CD200R1L: variants seen among roughly 807,000 people sequenced by gnomAD.
CD200R1L encodes CD200 receptor 1 like, also known as cell surface glycoprotein CD200 receptor 2.
Under a neutral mutation model 24.8 loss-of-function variants are expected in CD200R1L, and 14 were observed. That is an observed-to-expected ratio of 0.56 (90% confidence interval 0.37 to 0.88). The LOEUF (loss-of-function observed/expected upper bound fraction) is 0.88, where lower values mean the gene tolerates loss of function less well. Ranked by LOEUF, CD200R1L falls within the 40% of genes least tolerant of loss-of-function variation. The pLI is 0.00. For missense variants in CD200R1L, 299 were observed against 297.8 expected (o/e 1.00, Z -0.03); for synonymous variants, 111 against 109.2 (o/e 1.02, Z -0.11).
intron 4 of CD200R1L, among the ~76,000 whole-genome samples, chr3:112,828,540 A>G (rs1045771348): frequency 2.0e-5 from 3 of 152,236 alleles, no homozygotes; most frequent in Admixed American, 2.0e-4. Context: ...ATTGTCAAAT[A>G]TAGCCTTTGG....
At chr3:112,822,091 T>C (rs1392131736) in intron 6 of CD200R1L, among the ~76,000 whole-genome samples, 1 of 152,186 alleles carries the variant, frequency 6.6e-6, no homozygotes, top group East Asian at 1.9e-4. Context: ...AATACAAAAA[T>C]AAAAGTAGTG....
chr3:112,828,530 A>G (rs1355016697), intron 4 of CD200R1L, among the ~76,000 whole-genome samples: 1 of 152,214 alleles, frequency 6.6e-6, no homozygotes, highest in Non-Finnish European at 1.5e-5. Context: ...AATTGGTGAC[A>G]TTGTCAAATA....
chr3:112,843,889 G>A (rs1173855057), intron 2 of CD200R1L, among the ~76,000 whole-genome samples: 1 of 152,116 alleles, frequency 6.6e-6, no homozygotes, highest in African/African-American at 2.4e-5. Flanking sequence ...ACAAAAAAGA[G>A]CAGGGGTCAC....
chr3:112,819,659 A>G (rs1938483432), intron 7 of CD200R1L, 113 bp downstream of exon 7: 1 of 1,166,672 alleles, frequency 8.6e-7, no homozygotes, highest in South Asian at 1.9e-5. Flanking sequence ...GAGGGAGAAT[A>G]CAACATACCA....
intron 2 of CD200R1L, among the ~76,000 whole-genome samples, chr3:112,839,693 T>C (rs73225772): frequency 0.059 from 9,014 of 152,036 alleles, 282 homozygotes; most frequent in African/African-American, 0.075. Flanking sequence ...AGGAAAGGGG[T>C]CCTGAAAATT....
intron 2 of CD200R1L, among the ~76,000 whole-genome samples, chr3:112,838,644 A>G (rs921371602): frequency 2.6e-5 from 4 of 152,202 alleles, no homozygotes; most frequent in African/African-American, 9.6e-5. Flanking sequence ...GGCTCATTTA[A>G]TGGTCTACCT....
chr3:112,842,553 G>T (rs1182426267), intron 2 of CD200R1L, among the ~76,000 whole-genome samples: 1 of 152,154 alleles, frequency 6.6e-6, no homozygotes, highest in African/African-American at 2.4e-5. Flanking sequence ...CGTAAGTAAA[G>T]TCTGACTGCC....
At chr3:112,824,669 C>T (rs1426840000) in intron 6 of CD200R1L, among the ~76,000 whole-genome samples, 5 of 152,040 alleles carry the variant, frequency 3.3e-5, no homozygotes, top group Non-Finnish European at 7.4e-5. Context: ...AGTGAGAATA[C>T]GAGGAAAACG....
intron 3 of CD200R1L, among the ~76,000 whole-genome samples, chr3:112,831,013 G>T (rs144688748): frequency 1.3e-5 from 2 of 152,164 alleles, no homozygotes; most frequent in Non-Finnish European, 2.9e-5. Flanking sequence ...GGAGGAATAG[G>T]GGGGAGGCAT....
intron 3 of CD200R1L, among the ~76,000 whole-genome samples, chr3:112,831,503 C>T (rs1441427139): frequency 1.3e-5 from 2 of 152,110 alleles, no homozygotes; most frequent in African/African-American, 4.8e-5. Context: ...TGTTGAAGTC[C>T]TAACCCTCAG....
intron 3 of CD200R1L, 37 bp downstream of exon 3, chr3:112,837,905 C>G: frequency 2.3e-6 from 2 of 852,796 alleles, no homozygotes; most frequent in Non-Finnish European, 3.1e-6. Context: ...ATCCAACCCT[C>G]CCATCAAACT....
At position 112,827,567 on chromosome 3, in the gene CD200R1L, C is replaced by G; in HGVS notation, c.167G>C (p.Cys56Ser). ...WEIILRGQPSCTKAYKKETNE... is the reference protein window; with the variant it reads ...WEIILRGQPSSTKAYKKETNE... Reference sequence around the variant, plus strand: ...TGTTTCTTTCTTGTAGGCTTTTGTGCAGGAAGGCTGGCCTCTCAGGATTAT... The same window carrying G: ...TGTTTCTTTCTTGTAGGCTTTTGTGGAGGAAGGCTGGCCTCTCAGGATTAT... Residue 56 changes from cysteine to serine, a missense_variant, in exon 5 of 8, where the codon TGC becomes TCC. Physicochemically the swap from Cys to Ser is moderately radical, Grantham distance 112. Coordinates refer to ENST00000488794, the MANE Select transcript of CD200R1L (RefSeq NM_001199215.3). 6.2e-7 allele frequency: 1 copy of G among 1,614,074 alleles called. No homozygotes were observed. The highest frequency in any genetic ancestry group is 8.5e-7 in the Non-Finnish European group (1 of 1,179,964).
rs1438998300 is a variant in CD200R1L, at chr3:112,827,406, C to A, written c.328G>T (p.Asp110Tyr). The change falls in exon 5 of 8, where the codon GAT (aspartate) becomes TAT (tyrosine). Residue 110 changes from aspartate to tyrosine, a missense_variant. Asp to Tyr is a radical substitution (Grantham distance 160). Transcript: ENST00000488794. Reference sequence around the variant, plus strand: ...TGATATCCACGATGGAAATTCCCATCAGGTGTTACCACTATGCCTCTGTAA... The same window carrying A: ...TGATATCCACGATGGAAATTCCCATAAGGTGTTACCACTATGCCTCTGTAA... ...GYYRGIVVTP[D>Y]GNFHRGYHLQ... 6.2e-7 allele frequency: 1 copy of A among 1,614,126 alleles called. No individual in the cohort carries two copies. The highest frequency in any genetic ancestry group is 1.7e-5 in the Admixed American group (1 of 60,018).
intron 2 of CD200R1L, among the ~76,000 whole-genome samples, chr3:112,838,982 A>T (rs1271229233): frequency 2.6e-5 from 4 of 152,192 alleles, no homozygotes; most frequent in Non-Finnish European, 5.9e-5. Context: ...TGCAGACTAC[A>T]AGTCCACCCT....
In CD200R1L at chr3:112,827,548, T is replaced by C. The variant is rs1938694481; in HGVS notation, c.186A>G (p.Lys62=). The change falls in exon 5 of 8, where the codon AAA becomes AAG. Residue 62 remains lysine (K), a synonymous_variant. Coordinates refer to ENST00000488794, the MANE Select transcript of CD200R1L (RefSeq NM_001199215.3). ...TGGTTTCCTTGGTCTCATTTGTTTCTTTCTTGTAGGCTTTTGTGCAGGAAG... is the reference window on the plus strand; with the variant it reads ...TGGTTTCCTTGGTCTCATTTGTTTCCTTCTTGTAGGCTTTTGTGCAGGAAG... The part of the protein sequence containing the change: ...GQPSCTKAYK[K]ETNETKETNC... The C allele has an allele frequency of 1.9e-6, 3 of 1,614,174 alleles. No homozygotes were observed. Among genetic ancestry groups the C allele is most frequent in the Non-Finnish European group, 2.5e-6 (3 of 1,180,006 alleles).
chr3:112,816,831 A>G (rs1221759609), intron 7 of CD200R1L, among the ~76,000 whole-genome samples: 1 of 152,106 alleles, frequency 6.6e-6, no homozygotes, highest in Non-Finnish European at 1.5e-5. Flanking sequence ...TGCTGTTCTC[A>G]TGGTAGTGAA....
chr3:112,832,998 C>T lies in CD200R1L; in HGVS notation c.-17-3614G>A, dbSNP rs541773281. 1.2e-4 allele frequency among the ~76,000 whole-genome samples: 19 copies of T among 152,330 alleles called. No individual in the cohort carries two copies. In the South Asian group the frequency reaches 3.9e-3, roughly 32 times the overall value. On this transcript the variant is annotated intron_variant, in intron 3 of 7. Transcript: ENST00000488794. ...TATGAATACCTTAGTTAATCACATG[C>T]ATTCCAGAGGTGAGAAGTCAATTCT...
intron 2 of CD200R1L, among the ~76,000 whole-genome samples, chr3:112,844,864 C>T (rs1206678663): frequency 6.6e-6 from 1 of 152,082 alleles, no homozygotes; most frequent in East Asian, 1.9e-4. Context: ...GCAGAGGTTG[C>T]AGTGAGCCAA....
At chr3:112,844,924 C>G (rs1407468359) in intron 2 of CD200R1L, among the ~76,000 whole-genome samples, 2 of 151,716 alleles carry the variant, frequency 1.3e-5, no homozygotes, top group Non-Finnish European at 2.9e-5. Context: ...AAATCCGTCT[C>G]AAAAATAAAT....
Sources: allele counts gnomAD v4.1 joint callset (sites outside exome capture counted in the v4.1 genomes callset), GRCh38; gene constraint gnomAD v4.1.1; transcripts MANE v1.5; gene names NCBI Gene and HGNC (gene_info 2026-07-23, HGNC 2026-07-21).